PTK2: variants seen among roughly 807,000 people sequenced by gnomAD.
PTK2 encodes focal adhesion kinase 1.
In PTK2, 45 loss-of-function variants were observed where a neutral mutation model predicts 150.1. That is an observed-to-expected ratio of 0.30 (90% CI 0.24 to 0.38). The LOEUF is 0.38. Among genes scored for constraint, PTK2 ranks in the 10% least tolerant of loss-of-function variants. PTK2 has a pLI of 1.00. For synonymous variants in PTK2, 432 were observed against 449.2 expected (o/e 0.96, Z 0.48); for missense variants, 919 against 1,307.3 (o/e 0.70, Z 4.58).
At chr8:140,853,815 T>C (rs999443515) in intron 5 of PTK2, among the ~76,000 whole-genome samples, 3 of 152,224 alleles carry the variant, frequency 2.0e-5, no homozygotes, top group African/African-American at 7.2e-5. Flanking sequence ...ACATTTTAGC[T>C]TCTGTCTGGA....
chr8:140,967,180 C>G (rs1289228898), intron 1 of PTK2, among the ~76,000 whole-genome samples: 1 of 152,192 alleles, frequency 6.6e-6, no homozygotes, highest in Non-Finnish European at 1.5e-5. Context: ...ACCAGGAATT[C>G]AAATACTGGT....
At position 140,989,469 on chromosome 8, in the gene PTK2, T is replaced by C. The variant is rs565259933; in HGVS notation, c.-122+11656A>G. On this transcript the variant is annotated intron_variant, in intron 1 of 31. Coordinates refer to ENST00000522684, the Ensembl canonical transcript of PTK2. ...CACAAAGCAGGAGACACTGGCAAGA[T>C]ATATAAACCAACAAAGGACTTGGAT... Among the ~76,000 whole-genome samples the C allele has an allele frequency of 2.7e-5, 4 of 150,614 alleles. No homozygotes were observed. The East Asian group carries it at 7.8e-4, about 29-fold the overall frequency.
intron 10 of PTK2, among the ~76,000 whole-genome samples, chr8:140,812,505 C>T (rs1303185990): frequency 6.6e-6 from 1 of 152,212 alleles, no homozygotes; most frequent in Non-Finnish European, 1.5e-5. Flanking sequence ...AACAAGCTAA[C>T]ACCATGATGG....
exon 24 of PTK2, chr8:140,706,201 C>G: frequency 8.7e-6 from 14 of 1,611,506 alleles, no homozygotes; most frequent in Non-Finnish European, 1.2e-5. Context: ...ACCCGGTCTG[C>G]TGGGCTGTAA....
In PTK2 at chr8:140,711,522, G is replaced by A. The variant is rs148036360; in HGVS notation, c.2143-5317C>T. Among the ~76,000 whole-genome samples, 59 of 152,312 alleles carry A rather than the reference G, an allele frequency of 3.9e-4. No individual in the cohort carries two copies. The East Asian group carries it at 7.9e-3, about 20-fold the overall frequency. On this transcript the variant is annotated intron_variant, in intron 23 of 31. Coordinates refer to ENST00000522684, the Ensembl canonical transcript of PTK2. The stretch of plus-strand genomic sequence containing the variant: ...CTGCTTTATATATTTTGTATAGTTT[G>A]TATAGATATTTTGTATAGTTTATGA...
intron 14 of PTK2, chr8:140,765,142 T>C (rs868539182): frequency 6.6e-6 from 1 of 152,204 alleles, no homozygotes; most frequent in Non-Finnish European, 1.5e-5. Context: ...AGCTGCTCCA[T>C]GTATAAGGAT....
intron 8 of PTK2, among the ~76,000 whole-genome samples, chr8:140,827,008 T>A (rs2100112180): frequency 6.6e-6 from 1 of 152,152 alleles, no homozygotes; most frequent in Admixed American, 6.5e-5. Flanking sequence ...CCTTGATCAT[T>A]GCACATCTCA....
chr8:140,808,890 G>C (rs548501176), intron 10 of PTK2, among the ~76,000 whole-genome samples: 1 of 151,804 alleles, frequency 6.6e-6, no homozygotes, highest in Admixed American at 6.6e-5. Flanking sequence ...GCGCCACCAC[G>C]CCTGGCTAAT....
chr8:140,699,138 A>C (rs574970913), intron 26 of PTK2, among the ~76,000 whole-genome samples: 2 of 152,228 alleles, frequency 1.3e-5, no homozygotes, highest in East Asian at 3.9e-4. Context: ...TCAGAAGGAA[A>C]GTTTTATCCT....
At chr8:140,867,551 T>C (rs751054867) in intron 4 of PTK2, among the ~76,000 whole-genome samples, 2 of 152,162 alleles carry the variant, frequency 1.3e-5, no homozygotes, top group Non-Finnish European at 2.9e-5. Context: ...GTTAAGAATT[T>C]TGGTGGGAGC....
intron 1 of PTK2, among the ~76,000 whole-genome samples, chr8:140,985,841 T>C (rs1220483266): frequency 6.6e-6 from 1 of 151,902 alleles, no homozygotes; most frequent in Non-Finnish European, 1.5e-5. Context: ...CAATACTTAA[T>C]AGTTATCTAC....
intron 1 of PTK2, among the ~76,000 whole-genome samples, chr8:140,929,373 G>C (rs75518090): frequency 0.017 from 2,610 of 152,242 alleles, 40 homozygotes; most frequent in Non-Finnish European, 0.028. Flanking sequence ...TAAATGAAGA[G>C]AAAAGCTTTG....
At position 140,757,222 on chromosome 8, in the gene PTK2, T is replaced by C. The variant is rs576169973; in HGVS notation, c.1332+3943A>G. Among the ~76,000 whole-genome samples, 5 of 152,244 alleles carry C rather than the reference T, an allele frequency of 3.3e-5. No homozygotes were observed. In the East Asian group the frequency reaches 9.7e-4, roughly 29 times the overall value. ...ATAATTTAGTTACATTCCAGTAATG[T>C]AGTCACCTTATCTCCCCCAATCTCA... On this transcript the variant is annotated intron_variant, in intron 16 of 31. Transcript: ENST00000522684.
At chr8:140,681,546 C>A (rs1032686413) in intron 27 of PTK2, among the ~76,000 whole-genome samples, 1 of 150,454 alleles carries the variant, frequency 6.6e-6, no homozygotes, top group African/African-American at 2.5e-5. Flanking sequence ...CGGAGGCGGG[C>A]AGGGGGGGAT....
chr8:140,813,796 T>C (rs565235936), intron 10 of PTK2, among the ~76,000 whole-genome samples: 4 of 150,858 alleles, frequency 2.7e-5, no homozygotes, highest in Non-Finnish European at 5.9e-5. Flanking sequence ...AGAAAAGAAC[T>C]AACCAAAACC....
intron 1 of PTK2, among the ~76,000 whole-genome samples, chr8:140,990,172 T>C: frequency 6.6e-6 from 1 of 152,098 alleles, no homozygotes; most frequent in East Asian, 1.9e-4. Flanking sequence ...TAAAAGTACA[T>C]TTAATGGTCA....
intron 27 of PTK2, among the ~76,000 whole-genome samples, chr8:140,681,487 G>A (rs1371818255): frequency 1.3e-5 from 2 of 149,804 alleles, no homozygotes; most frequent in African/African-American, 4.9e-5. Flanking sequence ...GTAACAAGCA[G>A]TTGGCCGGGC....
At chr8:140,865,024 C>T (rs1390205700) in intron 4 of PTK2, among the ~76,000 whole-genome samples, 1 of 152,188 alleles carries the variant, frequency 6.6e-6, no homozygotes, top group African/African-American at 2.4e-5. Context: ...GTCAAACTCC[C>T]ACCAACAGCA....
chr8:140,829,731 A>G (rs1332383538), intron 8 of PTK2, among the ~76,000 whole-genome samples: 1 of 152,160 alleles, frequency 6.6e-6, no homozygotes, highest in Non-Finnish European at 1.5e-5. Flanking sequence ...ATATTTACTA[A>G]TCTGTTAAAT....
Sources: allele counts gnomAD v4.1 joint callset (sites outside exome capture counted in the v4.1 genomes callset), GRCh38; gene constraint gnomAD v4.1.1; transcripts MANE v1.5; gene names NCBI Gene and HGNC (gene_info 2026-07-23, HGNC 2026-07-21).